TMPRSS2: variants seen among roughly 807,000 people sequenced by gnomAD.
The protein encoded by TMPRSS2 is transmembrane protease serine 2.
Under a neutral mutation model 67.4 loss-of-function variants are expected in TMPRSS2, and 59 were observed. That is an observed-to-expected ratio of 0.88 (90% CI 0.71 to 1.09). The LOEUF is 1.09. Ranked by LOEUF, TMPRSS2 falls within the 50% of genes least tolerant of loss-of-function variation. The pLI is 0.00. For missense variants in TMPRSS2, 668 were observed against 642.7 expected, an observed-to-expected ratio of 1.04 and a Z score of -0.43; for synonymous variants, 257 against 257.0, an observed-to-expected ratio of 1.00 and a Z score of 0.00.
At chr21:41,490,181 G>T (rs1351958688) in intron 3 of TMPRSS2, among the ~76,000 whole-genome samples, 1 of 150,706 alleles carries the variant, frequency 6.6e-6, no homozygotes, top group African/African-American at 2.4e-5. Context: ...CTAAAAGAGG[G>T]TCTTAAAATA....
In TMPRSS2 at chr21:41,489,560, A is replaced by T. The variant is rs147711290; in HGVS notation, c.272T>A (p.Leu91Gln). The part of the protein sequence containing the change: ...TKKALCITLT[L>Q]GTFLVGAALA... ...CGCAGCTCCCACGAGGAAGGTCCCC[A>T]GGGTCAAGGTGATGCACAGTGCTTT... is the stretch of plus-strand genomic sequence containing the variant. The change falls in exon 4 of 14, where the codon CTG (leucine) becomes CAG (glutamine). Residue 91 changes from leucine to glutamine, a missense_variant. By Grantham distance (113) the Leu-to-Gln change is moderately radical. Transcript: ENST00000332149. The T allele has an allele frequency of 3.0e-4, 484 of 1,614,200 alleles. 2 individuals carry two copies. The African/African-American group carries it at 6.0e-3, about 20-fold the overall frequency.
At chr21:41,498,076 G>A in intron 2 of TMPRSS2, 43 bp downstream of exon 2, 2 of 1,434,384 alleles carry the variant, frequency 1.4e-6, no homozygotes, top group Non-Finnish European at 9.8e-7. Flanking sequence ...GAAGGGACAA[G>A]GGAACAAAGA....
intron 1 of TMPRSS2, among the ~76,000 whole-genome samples, chr21:41,504,805 C>T (rs1265122407): frequency 6.6e-6 from 1 of 152,162 alleles, no homozygotes; most frequent in Non-Finnish European, 1.5e-5. Flanking sequence ...AGGAGGGGCC[C>T]CACAAAGGCT....
chr21:41,488,661 G>A (rs1555893041), intron 4 of TMPRSS2, 148 bp from the exon 5 acceptor site: 3 of 973,544 alleles, frequency 3.1e-6, no homozygotes, highest in Non-Finnish European at 3.0e-6. Context: ...TTTTTGAGAT[G>A]AAGTCTCATT....
chr21:41,473,202 C>T (rs1320897213), intron 9 of TMPRSS2, 123 bp downstream of exon 9: 2 of 1,157,218 alleles, frequency 1.7e-6, no homozygotes, highest in East Asian at 5.2e-5. Flanking sequence ...GAAGCAGGTG[C>T]AATACTCTCC....
intron 11 of TMPRSS2, chr21:41,468,840 G>A (rs973453980): frequency 1.3e-5 from 4 of 314,342 alleles, no homozygotes; most frequent in South Asian, 6.7e-5. Context: ...TTCACCCAAC[G>A]GCTTGGTTCT....
At chr21:41,468,164 T>C in intron 12 of TMPRSS2, 1 of 622,416 alleles carries the variant, frequency 1.6e-6, no homozygotes, top group Non-Finnish European at 2.8e-6. Flanking sequence ...TCTGTTCCAC[T>C]GGCACTTTTA....
At chr21:41,485,443 T>C (rs2091289054) in intron 5 of TMPRSS2, among the ~76,000 whole-genome samples, 1 of 151,566 alleles carries the variant, frequency 6.6e-6, no homozygotes, top group African/African-American at 2.4e-5. Context: ...AGGTCAGGAG[T>C]TCGAGACCAG....
chr21:41,505,234 AAAAT>A (rs951959151), intron 1 of TMPRSS2, among the ~76,000 whole-genome samples: 9 of 152,294 alleles, frequency 5.9e-5, no homozygotes, highest in African/African-American at 2.2e-4. Context: ...AGGGCTTAGA[AAAAT>A]AAATAAATAA....
chr21:41,466,848 G>A (rs2091088821), intron 13 of TMPRSS2, among the ~76,000 whole-genome samples: 1 of 152,198 alleles, frequency 6.6e-6, no homozygotes, highest in Non-Finnish European at 1.5e-5. Context: ...CTGAGGTCCT[G>A]GAGATGAGAA....
intron 6 of TMPRSS2, among the ~76,000 whole-genome samples, chr21:41,479,867 TGCTGGTAAATGGTAACCACCGCCCCAC>T (rs1338495987): frequency 1.3e-5 from 2 of 152,168 alleles, no homozygotes; most frequent in African/African-American, 4.8e-5. Flanking sequence ...CCCCAGGCAG[TGCTGGTAAATGGTAACCACCGCCCCAC>T]CCCCGTTAGG....
chr21:41,466,484 C>A (rs370634518), intron 13 of TMPRSS2, among the ~76,000 whole-genome samples: 13 of 152,362 alleles, frequency 8.5e-5, no homozygotes, highest in Middle Eastern at 3.4e-3. Context: ...GCCAAACACA[C>A]CTGGATCATT....
intron 9 of TMPRSS2, among the ~76,000 whole-genome samples, 195 bp from the exon 10 acceptor site, chr21:41,472,176 C>G (rs191600263): frequency 5.5e-4 from 83 of 151,496 alleles, no homozygotes; most frequent in Non-Finnish European, 7.4e-4. Context: ...CTCCCTGCCT[C>G]AGCCCCCCAC....
chr21:41,505,183 C>T (rs563946938), intron 1 of TMPRSS2, among the ~76,000 whole-genome samples: 69 of 152,246 alleles, frequency 4.5e-4, no homozygotes, highest in African/African-American at 1.6e-3. Context: ...ATGTCCAAGG[C>T]TTAGATCTGA....
chr21:41,500,362 GC>G (rs2091415776), intron 1 of TMPRSS2, among the ~76,000 whole-genome samples: 1 of 152,214 alleles, frequency 6.6e-6, no homozygotes, highest in African/African-American at 2.4e-5. Flanking sequence ...GGAAAAGAGG[GC>G]TGTCTTGATT....
intron 1 of TMPRSS2, 164 bp downstream of exon 1, chr21:41,507,917 T>C: frequency 8.0e-6 from 12 of 1,494,052 alleles, no homozygotes; most frequent in South Asian, 1.2e-5. Context: ...CCTGCCCGGC[T>C]GGCCCCAGCG....
chr21:41,468,527 C>A lies in TMPRSS2; in HGVS notation c.1183G>T (p.Glu395Ter). The change falls in exon 12 of 14, where the codon GAA becomes TAA. Residue 395 changes from glutamate to a stop codon, truncating the protein, a stop_gained. Coordinates refer to ENST00000332149, the MANE Select transcript of TMPRSS2 (RefSeq NM_005656.4). LOFTEE classifies it high-confidence loss of function. ...AGCACCTTGGCAGCGTTCAGCACTTCTGAGGTCTTCCCTAAGGACAGGGAG... is the reference window on the plus strand; with the variant it reads ...AGCACCTTGGCAGCGTTCAGCACTTATGAGGTCTTCCCTAAGGACAGGGAG... ...GATEEKGKTS[E>*]VLNAAKVLLI... 1.2e-6 allele frequency: 2 copies of A among 1,614,142 alleles called. No homozygotes were observed. Among genetic ancestry groups the A allele is most frequent in the Non-Finnish European group, 1.7e-6 (2 of 1,180,024 alleles).
intron 11 of TMPRSS2, 96 bp from the exon 12 acceptor site, chr21:41,468,634 A>C (rs1156721468): frequency 7.1e-7 from 1 of 1,400,136 alleles, no homozygotes; most frequent in Non-Finnish European, 9.8e-7. Context: ...CGCACTACAC[A>C]GATGGTCACA....
chr21:41,488,569 C>A, intron 4 of TMPRSS2, 56 bp from the exon 5 acceptor site: 1 of 1,555,626 alleles, frequency 6.4e-7, no homozygotes, highest in East Asian at 2.3e-5. Context: ...CAATGAGCCT[C>A]ATGGAGTGAG....
Sources: gnomAD v4.1 joint callset for allele counts (sites outside exome capture counted in the v4.1 genomes callset) on GRCh38, gnomAD v4.1.1 for gene constraint, MANE v1.5 for transcripts, NCBI Gene and HGNC (gene_info 2026-07-23, HGNC 2026-07-21) for gene names.